The following GLS variants were observed in gnomAD, a reference collection of about 807,000 sequenced individuals.
The protein encoded by GLS is glutaminase kidney isoform, mitochondrial.
GLS carries 36 observed loss-of-function variants against 86.7 expected under a neutral mutation model. The observed-to-expected ratio is 0.42, with a 90% CI of 0.32 to 0.55. GLS has a LOEUF of 0.55. GLS is among the 20% of genes least tolerant of loss of function. The pLI, the probability that GLS is intolerant of heterozygous loss-of-function variation, is 0.17. For missense variants in GLS, 528 were observed against 833.4 expected (o/e 0.63, Z 4.51); for synonymous variants, 317 against 305.9 (o/e 1.04, Z -0.38).
In GLS at chr2:190,933,806, T is replaced by C. The variant is rs114540655; in HGVS notation, c.1650+2169T>C. 893 of 650,512 alleles carry C rather than the reference T, an allele frequency of 1.4e-3. 4 individuals are homozygous for C. The South Asian group carries it at 0.017, about 12-fold the overall frequency. The allele number at this position is 650,512 out of a possible 1,614,324, so 40.3% of individuals were successfully genotyped here. A position where few individuals can be genotyped will look rare whatever the true frequency, so the allele number is the denominator to read the frequency against. The stretch of plus-strand genomic sequence containing the variant: ...CTAATATTTCTTTTGTGATAAGTTA[T>C]AGCATCTCATAAAGTTTGTTCTATT... On this transcript the variant is annotated intron_variant, in intron 14 of 17. Transcript: ENST00000320717.
intron 17 of GLS, among the ~76,000 whole-genome samples, chr2:190,960,226 A>G (rs574715075): frequency 6.6e-6 from 1 of 151,556 alleles, no homozygotes; most frequent in East Asian, 1.9e-4. Context: ...TTAGAATGGG[A>G]AAAAAACGCA....
chr2:190,965,189 G>A lies in GLS; in HGVS notation c.*2203G>A, dbSNP rs1416099500. 1 of 152,518 alleles carries A rather than the reference G, an allele frequency of 6.6e-6. No homozygotes were observed. The highest frequency in any genetic ancestry group is 1.5e-5 in the Non-Finnish European group (1 of 68,030). The allele number at this position is 152,518 out of a possible 1,614,324, so 9.4% of individuals were successfully genotyped here. On this transcript the variant is annotated 3_prime_UTR_variant, in exon 18 of 18. Coordinates refer to ENST00000320717, the MANE Select transcript of GLS (RefSeq NM_014905.5). This position sits in a 1 kb window ranked among gnomAD's most constrained non-coding sequence, Gnocchi z 5.0. ...CATATGTGCTTTTTCTGTATCCTGAGCGCTCTATATGATCATGTTAATTTA... is the reference window on the plus strand; with the variant it reads ...CATATGTGCTTTTTCTGTATCCTGAACGCTCTATATGATCATGTTAATTTA...
At chr2:190,928,680 T>A (rs1197175449) in intron 12 of GLS, among the ~76,000 whole-genome samples, 1 of 150,922 alleles carries the variant, frequency 6.6e-6, no homozygotes, top group Non-Finnish European at 1.5e-5. Context: ...ACAGATGAGG[T>A]GCATACATTA....
chr2:190,927,247 TTAA>T, intron 11 of GLS, 56 bp from the exon 12 acceptor site: 1 of 1,228,268 alleles, frequency 8.1e-7, no homozygotes, highest in Non-Finnish European at 1.1e-6. Context: ...ATAGATTATC[TTAA>T]AAGTGAACAG....
In GLS at chr2:190,955,293, A is replaced by G. The variant is rs1441457909; in HGVS notation, c.1853+475A>G. Among the ~76,000 whole-genome samples the G allele has an allele frequency of 2.0e-5, 3 of 151,968 alleles. No homozygotes were observed. Among genetic ancestry groups the G allele is most frequent in the Admixed American group, 1.3e-4 (2 of 15,254 alleles). On this transcript the variant is annotated intron_variant, in intron 17 of 17. Coordinates refer to ENST00000320717, the MANE Select transcript of GLS (RefSeq NM_014905.5). The surrounding 1 kb of genome is among the most constrained non-coding windows in gnomAD (Gnocchi z 5.6). ...GATCCCTCCCTTACCCTGACCCCCAAACAGGCCCTGGTGTGTGATGTTCCC... is the reference window on the plus strand; with the variant it reads ...GATCCCTCCCTTACCCTGACCCCCAGACAGGCCCTGGTGTGTGATGTTCCC...
At chr2:190,919,528 A>T (rs1012950991) in intron 7 of GLS, 1 of 154,838 alleles carries the variant, frequency 6.5e-6, no homozygotes. Flanking sequence ...TGACATCCCA[A>T]TGCAAATGCT....
chr2:190,934,136 T>A, intron 14 of GLS: 1 of 983,104 alleles, frequency 1.0e-6, no homozygotes, highest in Non-Finnish European at 1.2e-6. Context: ...TTGAAACCTG[T>A]TAATTTTAGT....
In GLS at chr2:190,895,505, G is replaced by A; in HGVS notation, c.484-99G>A. On this transcript the variant is annotated intron_variant, in intron 2 of 17. Transcript: ENST00000320717. This position sits in a 1 kb window ranked among gnomAD's most constrained non-coding sequence, Gnocchi z 4.2. Reference sequence around the variant, plus strand: ...TGCCATATTCATGTTCAAGTGTTGGGTAGAAGTTTTTATATACAGGAATAA... The same window carrying A: ...TGCCATATTCATGTTCAAGTGTTGGATAGAAGTTTTTATATACAGGAATAA... 3 of 802,762 alleles carry A rather than the reference G, an allele frequency of 3.7e-6. No individual in the cohort carries two copies. Among genetic ancestry groups the A allele is most frequent in the Non-Finnish European group, 5.8e-6 (3 of 515,284 alleles). The allele number at this position is 802,762 out of a possible 1,614,324, so 49.7% of individuals were successfully genotyped here. A position where few individuals can be genotyped will look rare whatever the true frequency, so the allele number is the denominator to read the frequency against.
At chr2:190,907,299 T>C (rs561672520) in intron 6 of GLS, among the ~76,000 whole-genome samples, 1 of 147,668 alleles carries the variant, frequency 6.8e-6, no homozygotes, top group East Asian at 2.0e-4. Flanking sequence ...TGGAGTGCAG[T>C]GGCGCAATCT....
chr2:190,957,942 C>T (rs979022444), intron 17 of GLS, among the ~76,000 whole-genome samples: 8 of 152,122 alleles, frequency 5.3e-5, no homozygotes, highest in Admixed American at 5.2e-4. Flanking sequence ...AGGGAGGATT[C>T]CTTCTTTTTC....
In GLS at chr2:190,924,526, C is replaced by T. The variant is rs780285946; in HGVS notation, c.1198-17C>T. On this transcript the variant is annotated splice_polypyrimidine_tract_variant and intron_variant, in intron 10 of 17. Transcript: ENST00000320717. The surrounding 1 kb of genome is among the most constrained non-coding windows in gnomAD (Gnocchi z 5.2). ...CCTGTGTGCCTGAATTTTTAATTGC[C>T]TTTCTGGTTTTTTTAGTGTTTTCCA... is the stretch of plus-strand genomic sequence containing the variant. 1.3e-6 allele frequency: 2 copies of T among 1,512,984 alleles called. No individual in the cohort carries two copies. Among genetic ancestry groups the T allele is most frequent in the Non-Finnish European group, 9.2e-7 (1 of 1,088,150 alleles). 93.7% of individuals were successfully genotyped at this position (1,512,984 alleles called of 1,614,324 possible).
Position 190,913,177 on chromosome 2 carries a change from TA to T in GLS, c.1038+2857del. On this transcript the variant is annotated intron_variant, in intron 7 of 17. Transcript: ENST00000320717. This position sits in a 1 kb window ranked among gnomAD's most constrained non-coding sequence, Gnocchi z 6.1. ...TGATTTCATAATTTTGTAGTATTGA[TA>T]TTTTTTCCTTGTAGGATTGGTGGTG... 1 of 1,297,290 alleles carries T rather than the reference TA, an allele frequency of 7.7e-7. No individual in the cohort carries two copies. Among genetic ancestry groups the T allele is most frequent in the South Asian group, 1.2e-5 (1 of 80,888 alleles). 80.4% of individuals were successfully genotyped at this position (1,297,290 alleles called of 1,614,324 possible).
chr2:190,925,375 T>G (rs1689865622), intron 11 of GLS, among the ~76,000 whole-genome samples: 1 of 152,134 alleles, frequency 6.6e-6, no homozygotes, highest in African/African-American at 2.4e-5. Context: ...GGCTTTCTTG[T>G]AAGTTAGAGT....
rs1198103273 is a variant in GLS at position 190,930,765 on chromosome 2, A to G, written c.1557+197A>G. Among the ~76,000 whole-genome samples, 1 of 152,118 alleles carries G rather than the reference A, an allele frequency of 6.6e-6. No homozygotes were observed. Among genetic ancestry groups the G allele is most frequent in the Non-Finnish European group, 1.5e-5 (1 of 68,024 alleles). ...AGACAGCTCCCATTTAATTATTCCC[A>G]CAGATTATATTTGTTAGATGCTAAT... On this transcript the variant is annotated intron_variant, in intron 13 of 17. Coordinates refer to ENST00000320717, the MANE Select transcript of GLS (RefSeq NM_014905.5). The surrounding 1 kb of genome is among the most constrained non-coding windows in gnomAD (Gnocchi z 5.0).
intron 13 of GLS, among the ~76,000 whole-genome samples, chr2:190,931,285 G>A (rs757832182): frequency 5.3e-5 from 8 of 152,038 alleles, no homozygotes; most frequent in Non-Finnish European, 7.4e-5. Flanking sequence ...TCATGGGGCC[G>A]GTTATAAACC....
intron 1 of GLS, among the ~76,000 whole-genome samples, chr2:190,883,666 A>C (rs1380793810): frequency 1.3e-5 from 2 of 152,194 alleles, no homozygotes; most frequent in Non-Finnish European, 2.9e-5. Flanking sequence ...TAATTTTTTT[A>C]GTTTCCACAA....
chr2:190,918,038 G>T (rs1397510228), intron 7 of GLS, among the ~76,000 whole-genome samples: 2 of 152,032 alleles, frequency 1.3e-5, no homozygotes, highest in Non-Finnish European at 2.9e-5. Context: ...GCCCAGGCAG[G>T]GTAGATTTAG....
At chr2:190,946,391 G>A (rs1194769566) in intron 14 of GLS, among the ~76,000 whole-genome samples, 1 of 152,180 alleles carries the variant, frequency 6.6e-6, no homozygotes, top group Non-Finnish European at 1.5e-5. Flanking sequence ...TTATTTAACA[G>A]TTGAAGAAAA....
rs377109515 is a variant in GLS at position 190,924,506 on chromosome 2, G to A, written c.1198-37G>A. On this transcript the variant is annotated intron_variant, in intron 10 of 17. Transcript: ENST00000320717. This position sits in a 1 kb window ranked among gnomAD's most constrained non-coding sequence, Gnocchi z 5.2. ...TTTCTCTACTTATGTGCATTCCTGT[G>A]TGCCTGAATTTTTAATTGCCTTTCT... The A allele has an allele frequency of 2.5e-6, 3 of 1,204,570 alleles. No homozygotes were observed. Among genetic ancestry groups the A allele is most frequent in the Admixed American group, 1.7e-5 (1 of 59,312 alleles). The allele number at this position is 1,204,570 out of a possible 1,614,324, so 74.6% of individuals were successfully genotyped here. A position where few individuals can be genotyped will look rare whatever the true frequency, so the allele number is the denominator to read the frequency against.
Sources: gnomAD v4.1 joint callset for allele counts (sites outside exome capture counted in the v4.1 genomes callset) on GRCh38, gnomAD v4.1.1 for gene constraint, Gnocchi (gnomAD v3.1) non-coding constraint, MANE v1.5 for transcripts, NCBI Gene and HGNC (gene_info 2026-07-23, HGNC 2026-07-21) for gene names.